Variants in ATP1B3 observed in about 807,000 individuals in gnomAD.
The protein encoded by ATP1B3 is sodium/potassium-transporting ATPase subunit beta-3.
A neutral mutation model predicts 30.2 loss-of-function variants in ATP1B3; 10 were observed. The ratio of observed to expected loss-of-function variants is 0.33; its 90% CI spans 0.20 to 0.56. The LOEUF is 0.56. ATP1B3 is among the 20% of genes least tolerant of loss of function. ATP1B3 has a pLI of 0.90. For synonymous variants in ATP1B3, 113 were observed against 117.0 expected (o/e 0.97, Z 0.22); for missense variants, 238 against 336.7 (o/e 0.71, Z 2.29).
At chr3:141,898,240 G>T (rs1305979766) in intron 1 of ATP1B3, among the ~76,000 whole-genome samples, 1 of 152,000 alleles carries the variant, frequency 6.6e-6, no homozygotes, top group African/African-American at 2.4e-5. Context: ...AGCAACCAAA[G>T]AAAAAATAGA....
At chr3:141,920,263 T>A (rs562063983) in intron 5 of ATP1B3, among the ~76,000 whole-genome samples, 2 of 152,114 alleles carry the variant, frequency 1.3e-5, no homozygotes, top group East Asian at 3.9e-4. Context: ...AAGCTAAGTG[T>A]GGTATCTGGT....
chr3:141,887,785 G>A (rs981940530), intron 1 of ATP1B3, among the ~76,000 whole-genome samples: 5 of 152,112 alleles, frequency 3.3e-5, no homozygotes, highest in Admixed American at 6.5e-5. Context: ...GACTGCGAAC[G>A]AAAGCCTTAC....
At chr3:141,900,793 G>GT (rs768525093) in intron 1 of ATP1B3, among the ~76,000 whole-genome samples, 4 of 151,862 alleles carry the variant, frequency 2.6e-5, no homozygotes, top group Admixed American at 6.6e-5. Flanking sequence ...TCTTGTTTTT[G>GT]TTTTTTTGAG....
At chr3:141,922,118 G>T (rs1934574058) in intron 6 of ATP1B3, 55 bp downstream of exon 6, 3 of 1,077,376 alleles carry the variant, frequency 2.8e-6, no homozygotes, top group African/African-American at 3.2e-5. Flanking sequence ...GCTGGAGCAT[G>T]TGTTGACGTA....
Position 141,908,947 on chromosome 3 carries a change from G to A in ATP1B3, c.346+1673G>A, listed in dbSNP as rs567045008. Among the ~76,000 whole-genome samples, 5 of 152,222 alleles carry A rather than the reference G, an allele frequency of 3.3e-5. No individual in the cohort carries two copies. In the East Asian group the frequency reaches 9.7e-4, roughly 29 times the overall value. On this transcript the variant is annotated intron_variant, in intron 3 of 6. Transcript: ENST00000286371. Reference sequence around the variant, plus strand: ...GGGGGCTGCCCTTCCTTTCACCTGAGGCCACCTGTGTCACTCCTGCTTTGG... The same window carrying A: ...GGGGGCTGCCCTTCCTTTCACCTGAAGCCACCTGTGTCACTCCTGCTTTGG...
chr3:141,882,455 T>C (rs4234470), intron 1 of ATP1B3, among the ~76,000 whole-genome samples: 133,223 of 152,182 alleles, frequency 0.88, 58,643 homozygotes, highest in African/African-American at 0.97. Flanking sequence ...GTTGATGTGC[T>C]GGAGGTGTCC....
intron 2 of ATP1B3, 101 bp from the exon 3 acceptor site, chr3:141,907,066 A>G (rs1335966637): frequency 2.5e-6 from 2 of 790,360 alleles, no homozygotes; most frequent in Non-Finnish European, 1.9e-6. Flanking sequence ...TACTGTCAAC[A>G]CAATTTTCCA....
At chr3:141,922,259 G>A (rs116144275) in intron 6 of ATP1B3, 196 bp downstream of exon 6, 24,823 of 435,004 alleles carry the variant, frequency 0.057, 862 homozygotes, top group Middle Eastern at 0.1. Flanking sequence ...AACCCAAGCA[G>A]ATACGTTAAA....
chr3:141,919,832 G>A (rs113368930), intron 5 of ATP1B3, among the ~76,000 whole-genome samples: 1 of 151,942 alleles, frequency 6.6e-6, no homozygotes, highest in African/African-American at 2.4e-5. Flanking sequence ...CCAGCTACTC[G>A]GGAGGCTTAG....
chr3:141,887,442 G>T (rs1351035241), intron 1 of ATP1B3, among the ~76,000 whole-genome samples: 1 of 152,158 alleles, frequency 6.6e-6, no homozygotes, highest in Non-Finnish European at 1.5e-5. Flanking sequence ...GGTAACCCCC[G>T]TTAAGTGTGT....
chr3:141,913,885 T>C (rs1297004179), intron 4 of ATP1B3, 49 bp downstream of exon 4: 7 of 1,499,828 alleles, frequency 4.7e-6, no homozygotes, highest in Middle Eastern at 1.8e-4. Context: ...ATATTCTCTT[T>C]TAAGGAGGCA....
intron 6 of ATP1B3, 121 bp from the exon 7 acceptor site, chr3:141,925,410 C>CT: frequency 1.9e-6 from 2 of 1,026,018 alleles, no homozygotes; most frequent in Non-Finnish European, 2.8e-6. Context: ...AATTGCACCA[C>CT]TGCACTGCAG....
At chr3:141,923,025 C>T (rs760575631) in intron 6 of ATP1B3, among the ~76,000 whole-genome samples, 9 of 151,650 alleles carry the variant, frequency 5.9e-5, no homozygotes, top group South Asian at 2.1e-4. Context: ...CGCCTGCAAT[C>T]GCAGCATTTT....
At chr3:141,918,344 A>G (rs1934505756) in intron 5 of ATP1B3, 1 of 152,344 alleles carries the variant, frequency 6.6e-6, no homozygotes. Context: ...TGCTGGGTCT[A>G]CAAAGCCAAT....
intron 6 of ATP1B3, among the ~76,000 whole-genome samples, chr3:141,923,587 G>C (rs1463275746): frequency 6.6e-6 from 1 of 152,194 alleles, no homozygotes; most frequent in African/African-American, 2.4e-5. Flanking sequence ...CAGTAGTACA[G>C]TTAACAAAGG....
At chr3:141,879,638 G>C (rs1286999365) in intron 1 of ATP1B3, among the ~76,000 whole-genome samples, 2 of 151,612 alleles carry the variant, frequency 1.3e-5, no homozygotes, top group Non-Finnish European at 2.9e-5. Flanking sequence ...AATTAGCCGG[G>C]TGTGGTGGCA....
intron 1 of ATP1B3, chr3:141,902,115 T>G: frequency 7.8e-7 from 1 of 1,287,588 alleles, no homozygotes; most frequent in Non-Finnish European, 1.0e-6. Context: ...TTGAGATTGG[T>G]CTTTTCTTTT....
At position 141,916,520 on chromosome 3, in the gene ATP1B3, T is replaced by A. The variant is rs757589515; in HGVS notation, c.582+500T>A. 5 of 1,282,204 alleles carry A rather than the reference T, an allele frequency of 3.9e-6. No homozygotes were observed. The South Asian group carries it at 6.2e-5, about 16-fold the overall frequency. The allele number at this position is 1,282,204 out of a possible 1,614,324, so 79.4% of individuals were successfully genotyped here. A position where few individuals can be genotyped will look rare whatever the true frequency, so the allele number is the denominator to read the frequency against. The stretch of plus-strand genomic sequence containing the variant: ...GTGCAGTTTTCATCTCATAACTTTC[T>A]TTTGTTTTCTCTCCATGCTGCAAAT... On this transcript the variant is annotated intron_variant, in intron 5 of 6. Coordinates refer to ENST00000286371, the MANE Select transcript of ATP1B3 (RefSeq NM_001679.4).
At chr3:141,903,581 C>A in intron 1 of ATP1B3, 39 bp from the exon 2 acceptor site, 7 of 1,609,436 alleles carry the variant, frequency 4.3e-6, no homozygotes, top group Non-Finnish European at 5.9e-6. Flanking sequence ...CACACACACA[C>A]GCACGTGCAC....
Sources: allele counts gnomAD v4.1 joint callset (sites outside exome capture counted in the v4.1 genomes callset), GRCh38; gene constraint gnomAD v4.1.1; transcripts MANE v1.5; gene names NCBI Gene and HGNC (gene_info 2026-07-23, HGNC 2026-07-21).